Variants in POU6F2 observed in about 807,000 individuals in gnomAD.
POU6F2 encodes the protein POU class 6 homeobox 2.
In POU6F2, 31 loss-of-function variants were observed where a neutral mutation model predicts 71.3. The ratio of observed to expected loss-of-function variants is 0.43; its 90% CI spans 0.33 to 0.59. POU6F2 has a LOEUF of 0.59. Among genes scored for constraint, POU6F2 ranks in the 20% least tolerant of loss-of-function variants. POU6F2 has a pLI of 0.04. For synonymous variants in POU6F2, 347 were observed against 355.7 expected, an observed-to-expected ratio of 0.98 and a Z score of 0.27; for missense variants, 783 against 856.8, an observed-to-expected ratio of 0.91 and a Z score of 1.07.
chr7:39,379,208 A>G (rs1786774982), intron 5 of POU6F2, among the ~76,000 whole-genome samples: 1 of 152,210 alleles, frequency 6.6e-6, no homozygotes, highest in Non-Finnish European at 1.5e-5. Context: ...GTGGAAATAC[A>G]CAACAGACCT....
intron 3 of POU6F2, among the ~76,000 whole-genome samples, chr7:39,204,885 A>G (rs1483285039): frequency 6.7e-6 from 1 of 150,336 alleles, no homozygotes; most frequent in African/African-American, 2.4e-5. Flanking sequence ...GTAGAACACA[A>G]TTATAAAAGG....
Position 39,136,851 on chromosome 7 carries a change from G to A in POU6F2, c.277+50820G>A, listed in dbSNP as rs140927071. On this transcript the variant is annotated intron_variant, in intron 2 of 9. Coordinates refer to ENST00000518318, the MANE Select transcript of POU6F2 (RefSeq NM_001370959.1). ...TTAAAAAAAAAAAAAGCCAGGTGTG[G>A]TGGTGTACGACTGTAGTCCTAGCTA... 2.8e-3 allele frequency among the ~76,000 whole-genome samples: 430 copies of A among 151,510 alleles called. 1 individual carries two copies. The highest frequency in any genetic ancestry group is 9.9e-3 in the African/African-American group (407 of 41,290).
At chr7:39,145,628 G>A (rs928684738) in intron 2 of POU6F2, among the ~76,000 whole-genome samples, 1 of 152,190 alleles carries the variant, frequency 6.6e-6, no homozygotes, top group Non-Finnish European at 1.5e-5. Context: ...CTGCAGTTAG[G>A]TATTTGGGTC....
chr7:39,006,382 T>C (rs1789071492), intron 1 of POU6F2, among the ~76,000 whole-genome samples: 1 of 152,062 alleles, frequency 6.6e-6, no homozygotes, highest in Admixed American at 6.5e-5. Flanking sequence ...GAGAATTGCT[T>C]GAACCTGGGA....
At chr7:39,212,321 A>G (rs187589353) in intron 4 of POU6F2, among the ~76,000 whole-genome samples, 30 of 152,302 alleles carry the variant, frequency 2.0e-4, no homozygotes, top group African/African-American at 6.0e-4. Context: ...AGGGCCTCTT[A>G]TGAGCAAGGA....
At chr7:39,116,793 A>G (rs536996065) in intron 2 of POU6F2, among the ~76,000 whole-genome samples, 2 of 152,066 alleles carry the variant, frequency 1.3e-5, no homozygotes, top group South Asian at 4.2e-4. Context: ...CCAAATAAAA[A>G]TCTTCAGATT....
intron 1 of POU6F2, among the ~76,000 whole-genome samples, chr7:39,073,281 T>C (rs1790923774): frequency 6.6e-6 from 1 of 152,146 alleles, no homozygotes; most frequent in East Asian, 1.9e-4. Flanking sequence ...AAATATTTAC[T>C]TAAGCCTCTG....
At chr7:39,061,597 T>C (rs1790657453) in intron 1 of POU6F2, among the ~76,000 whole-genome samples, 1 of 152,220 alleles carries the variant, frequency 6.6e-6, no homozygotes, top group Admixed American at 6.5e-5. Flanking sequence ...CATATTTTAT[T>C]ACACAATATA....
intron 2 of POU6F2, among the ~76,000 whole-genome samples, chr7:39,141,300 G>T (rs1177254956): frequency 6.6e-6 from 1 of 152,130 alleles, no homozygotes; most frequent in African/African-American, 2.4e-5. Context: ...AAGCATCTTG[G>T]TTGGGATTTC....
intron 4 of POU6F2, among the ~76,000 whole-genome samples, chr7:39,229,506 C>A (rs1049474181): frequency 6.6e-6 from 1 of 152,194 alleles, no homozygotes; most frequent in Non-Finnish European, 1.5e-5. Context: ...TCCAGAAACA[C>A]GTACAGGAAA....
chr7:39,269,701 T>C (rs2128756485), intron 4 of POU6F2, among the ~76,000 whole-genome samples: 1 of 152,310 alleles, frequency 6.6e-6, no homozygotes, highest in South Asian at 2.1e-4. Context: ...CCCCTGAGCC[T>C]GTTGAAGTGA....
chr7:39,082,376 C>A (rs1297304639), intron 1 of POU6F2, among the ~76,000 whole-genome samples: 1 of 152,190 alleles, frequency 6.6e-6, no homozygotes, highest in Non-Finnish European at 1.5e-5. Flanking sequence ...GAAGTCTCAA[C>A]ATCTTCTATT....
At chr7:39,092,375 G>A (rs1440168426) in intron 2 of POU6F2, among the ~76,000 whole-genome samples, 1 of 151,966 alleles carries the variant, frequency 6.6e-6, no homozygotes, top group Non-Finnish European at 1.5e-5. Flanking sequence ...TTTTTGTTCA[G>A]CTTTTCTTTT....
intron 2 of POU6F2, among the ~76,000 whole-genome samples, chr7:39,118,414 G>GA (rs770114747): frequency 4.4e-4 from 66 of 150,994 alleles, no homozygotes; most frequent in South Asian, 8.4e-4. Context: ...AAAACTTGGA[G>GA]AAAAAAAAAT....
At chr7:39,193,539 A>C (rs1418212951) in intron 2 of POU6F2, among the ~76,000 whole-genome samples, 2 of 152,226 alleles carry the variant, frequency 1.3e-5, no homozygotes, top group Non-Finnish European at 2.9e-5. Context: ...CAACTCTATC[A>C]CTCACTAACT....
At chr7:39,249,255 TCA>T (rs1783873668) in intron 4 of POU6F2, among the ~76,000 whole-genome samples, 2 of 152,226 alleles carry the variant, frequency 1.3e-5, no homozygotes, top group Non-Finnish European at 2.9e-5. Context: ...TTTTTCTGCT[TCA>T]TCATTAAATG....
At chr7:39,356,004 A>G (rs1041649294) in intron 5 of POU6F2, among the ~76,000 whole-genome samples, 33 of 152,146 alleles carry the variant, frequency 2.2e-4, no homozygotes, top group Admixed American at 1.7e-3. Flanking sequence ...CAGAGAAGTC[A>G]GGGGCTGTCG....
intron 1 of POU6F2, among the ~76,000 whole-genome samples, chr7:39,061,764 A>T (rs1362028261): frequency 6.6e-6 from 1 of 152,170 alleles, no homozygotes; most frequent in East Asian, 1.9e-4. Context: ...AAATACTTTT[A>T]GTTGTTTTCT....
At chr7:39,283,000 C>G (rs1305462689) in intron 4 of POU6F2, among the ~76,000 whole-genome samples, 1 of 151,988 alleles carries the variant, frequency 6.6e-6, no homozygotes, top group Non-Finnish European at 1.5e-5. Flanking sequence ...CTTTCAACTC[C>G]TTGGTCAAAT....
Sources: allele counts gnomAD v4.1 joint callset (sites outside exome capture counted in the v4.1 genomes callset), GRCh38; gene constraint gnomAD v4.1.1; transcripts MANE v1.5; gene names NCBI Gene and HGNC (gene_info 2026-07-23, HGNC 2026-07-21).